Variants in COL4A1 observed in about 807,000 individuals in gnomAD.
COL4A1 encodes the protein collagen alpha-1(IV) chain.
In COL4A1, 40 loss-of-function variants were observed where a neutral mutation model predicts 216.6. The ratio of observed to expected loss-of-function variants is 0.18; its 90% CI spans 0.14 to 0.24. COL4A1 has a LOEUF of 0.24. COL4A1 is among the 10% of genes least tolerant of loss of function. COL4A1 has a pLI of 1.00. For missense variants in COL4A1, 1,628 were observed against 2,196.8 expected, an observed-to-expected ratio of 0.74 and a Z score of 5.18; for synonymous variants, 839 against 810.7, an observed-to-expected ratio of 1.03 and a Z score of -0.59.
At position 110,210,200 on chromosome 13, in the gene COL4A1, C is replaced by T. The variant is rs1447711802; in HGVS notation, c.481G>A (p.Glu161Lys). The change falls in exon 9 of 52, where the codon GAG (glutamate) becomes AAG (lysine). Residue 161 changes from glutamate to lysine, a missense_variant. Physicochemically the swap from Glu to Lys is moderately conservative, Grantham distance 56. Coordinates refer to ENST00000375820, the MANE Select transcript of COL4A1 (RefSeq NM_001845.6). ...GLPGMKGDPGEILGHVPGMLL... is the reference protein window; with the variant it reads ...GLPGMKGDPGKILGHVPGMLL... ...ATCCCGGGCACATGGCCAAGTATCT[C>T]ACCTGGATCACCCTAGAGGATGAAG... The T allele has an allele frequency of 2.5e-6, 4 of 1,613,652 alleles. No homozygotes were observed. Among genetic ancestry groups the T allele is most frequent in the Non-Finnish European group, 3.4e-6 (4 of 1,180,022 alleles).
At chr13:110,219,674 ATATG>A (rs1207797617) in intron 2 of COL4A1, among the ~76,000 whole-genome samples, 1 of 68,432 alleles carries the variant, frequency 1.5e-5, no homozygotes, top group Admixed American at 1.8e-4. Context: ...ATATATATAT[ATATG>A]TGTATATATA....
intron 1 of COL4A1, among the ~76,000 whole-genome samples, chr13:110,270,654 A>G (rs1371716470): frequency 6.6e-6 from 1 of 151,892 alleles, no homozygotes; most frequent in Non-Finnish European, 1.5e-5. Flanking sequence ...TGTTTCCACC[A>G]CTCCACACAG....
At chr13:110,261,773 T>C (rs1200892931) in intron 1 of COL4A1, among the ~76,000 whole-genome samples, 1 of 152,136 alleles carries the variant, frequency 6.6e-6, no homozygotes, top group Non-Finnish European at 1.5e-5. Flanking sequence ...CCAGACATTG[T>C]CTCCTAAGGA....
At chr13:110,251,601 C>A (rs138560157) in intron 1 of COL4A1, among the ~76,000 whole-genome samples, 6 of 152,218 alleles carry the variant, frequency 3.9e-5, no homozygotes, top group Non-Finnish European at 7.3e-5. Context: ...CAGAGACTCA[C>A]GGGCATGCCA....
At chr13:110,281,546 G>A (rs1883634527) in intron 1 of COL4A1, among the ~76,000 whole-genome samples, 1 of 152,020 alleles carries the variant, frequency 6.6e-6, no homozygotes, top group African/African-American at 2.4e-5. Flanking sequence ...AAAACAGTAG[G>A]AAGCTTAGAT....
chr13:110,232,710 T>G (rs1193083635), intron 2 of COL4A1, among the ~76,000 whole-genome samples: 1 of 152,004 alleles, frequency 6.6e-6, no homozygotes, highest in African/African-American at 2.4e-5. Flanking sequence ...TCCTGGAGAG[T>G]GCTCTGGGCT....
chr13:110,163,370 A>G, intron 47 of COL4A1, 93 bp downstream of exon 47: 1 of 1,066,986 alleles, frequency 9.4e-7, no homozygotes, highest in Non-Finnish European at 1.4e-6. Context: ...GATATATCCA[A>G]CTTCATTCTG....
intron 2 of COL4A1, among the ~76,000 whole-genome samples, chr13:110,229,410 C>G (rs139991771): frequency 6.6e-6 from 1 of 152,138 alleles, no homozygotes; most frequent in African/African-American, 2.4e-5. Flanking sequence ...CTGAATGACT[C>G]GAATTTTTTC....
chr13:110,245,388 A>G (rs966621378), intron 1 of COL4A1, among the ~76,000 whole-genome samples: 2 of 152,192 alleles, frequency 1.3e-5, no homozygotes, highest in Admixed American at 1.3e-4. Flanking sequence ...TACAGATACC[A>G]AAAGGAAAAC....
chr13:110,174,863 T>C (rs1877808680), intron 37 of COL4A1, 114 bp from the exon 38 acceptor site: 1 of 1,059,348 alleles, frequency 9.4e-7, no homozygotes, highest in Non-Finnish European at 1.5e-6. Flanking sequence ...ATTGCAAAAC[T>C]CCATTTCCAG....
At chr13:110,188,839 G>A (rs934143815) in intron 24 of COL4A1, among the ~76,000 whole-genome samples, 2 of 152,148 alleles carry the variant, frequency 1.3e-5, no homozygotes, top group Admixed American at 6.5e-5. Context: ...GCTAAGGAAC[G>A]GGAGAAGCTG....
chr13:110,176,088 C>T (rs1877872025), intron 36 of COL4A1, among the ~76,000 whole-genome samples: 1 of 152,234 alleles, frequency 6.6e-6, no homozygotes. Context: ...GAGCCATAAG[C>T]TACTCAGGCT....
intron 20 of COL4A1, among the ~76,000 whole-genome samples, chr13:110,199,929 A>G (rs1203184839): frequency 6.6e-6 from 1 of 152,128 alleles, no homozygotes; most frequent in Non-Finnish European, 1.5e-5. Context: ...CAGAAAAGAG[A>G]GAAAGTGGGA....
chr13:110,256,886 G>A (rs1045941171), intron 1 of COL4A1, among the ~76,000 whole-genome samples: 2 of 151,974 alleles, frequency 1.3e-5, no homozygotes, highest in Non-Finnish European at 1.5e-5. Flanking sequence ...ATTTCACAGA[G>A]GGACTATTAA....
intron 21 of COL4A1, among the ~76,000 whole-genome samples, chr13:110,198,101 G>C (rs1305414868): frequency 6.6e-6 from 1 of 151,836 alleles, no homozygotes; most frequent in Non-Finnish European, 1.5e-5. Context: ...GTGTGTGTGT[G>C]TGTGTGTGTG....
chr13:110,178,047 G>A lies in COL4A1; in HGVS notation c.2626+17C>T. 6.2e-7 allele frequency: 1 copy of A among 1,614,170 alleles called. No homozygotes were observed. The highest frequency in any genetic ancestry group is 8.5e-7 in the Non-Finnish European group (1 of 1,180,034). ...GTCTTCATGATGGATCCAGGCAGAA[G>A]TTCAAAAATCACTTACCTGGAAACC... On this transcript the variant is annotated intron_variant, in intron 32 of 51. Transcript: ENST00000375820.
In COL4A1 at chr13:110,268,802, A is replaced by C. The variant is rs1243501596; in HGVS notation, c.85-26068T>G. 6.6e-6 allele frequency among the ~76,000 whole-genome samples: 1 copy of C among 151,882 alleles called. No homozygotes were observed. Among genetic ancestry groups the C allele is most frequent in the African/African-American group, 2.4e-5 (1 of 41,336 alleles). ...GCACGTGGGAGGCTCAACAAATCTGACTCTGTCATCCGCCCATCTTCCAGC... is the reference window on the plus strand; with the variant it reads ...GCACGTGGGAGGCTCAACAAATCTGCCTCTGTCATCCGCCCATCTTCCAGC... On this transcript the variant is annotated intron_variant, in intron 1 of 51. Coordinates refer to ENST00000375820, the MANE Select transcript of COL4A1 (RefSeq NM_001845.6). This position sits in a 1 kb window ranked among gnomAD's most constrained non-coding sequence, Gnocchi z 4.1.
intron 1 of COL4A1, among the ~76,000 whole-genome samples, chr13:110,301,594 G>C (rs1410982298): frequency 6.6e-6 from 1 of 152,182 alleles, no homozygotes; most frequent in Non-Finnish European, 1.5e-5. Flanking sequence ...TTAAAATCCA[G>C]ATAGTCAACA....
At chr13:110,187,080 C>A in intron 25 of COL4A1, 58 bp downstream of exon 25, 1 of 1,588,504 alleles carries the variant, frequency 6.3e-7, no homozygotes, top group South Asian at 1.1e-5. Context: ...ACTCATTTCT[C>A]AATGCTTTGC....
Sources: gnomAD v4.1 joint callset for allele counts (sites outside exome capture counted in the v4.1 genomes callset) on GRCh38, gnomAD v4.1.1 for gene constraint, Gnocchi (gnomAD v3.1) non-coding constraint, MANE v1.5 for transcripts, NCBI Gene and HGNC (gene_info 2026-07-23, HGNC 2026-07-21) for gene names.